Variants in PEX5L observed in about 807,000 individuals in gnomAD.
The protein encoded by PEX5L is PEX5-related protein.
Under a neutral mutation model 84.0 loss-of-function variants are expected in PEX5L, and 30 were observed. The observed-to-expected ratio is 0.36, with a 90% CI of 0.27 to 0.48. PEX5L has a LOEUF of 0.48. Among genes scored for constraint, PEX5L ranks in the 20% least tolerant of loss-of-function variants. PEX5L has a pLI of 0.99. For missense variants in PEX5L, 533 were observed against 754.6 expected, an observed-to-expected ratio of 0.71 and a Z score of 3.44; for synonymous variants, 270 against 283.1, an observed-to-expected ratio of 0.95 and a Z score of 0.46.
intron 1 of PEX5L, among the ~76,000 whole-genome samples, chr3:179,977,010 A>G: frequency 6.6e-6 from 1 of 152,338 alleles, no homozygotes; most frequent in Middle Eastern, 3.4e-3. Flanking sequence ...AAATTTATTA[A>G]TACAATTTTG....
intron 1 of PEX5L, chr3:179,974,286 A>G: frequency 1.5e-6 from 1 of 661,720 alleles, no homozygotes; most frequent in Non-Finnish European, 1.9e-6. Context: ...CTGTGGGAGG[A>G]GAAGCCACAG....
In PEX5L at chr3:179,970,294, C is replaced by A. The variant is rs1424994072; in HGVS notation, c.93+1300G>T. On this transcript the variant is annotated intron_variant, in intron 2 of 14. Coordinates refer to ENST00000467460, the MANE Select transcript of PEX5L (RefSeq NM_016559.3). ...TGCCAGGTGGGTCCAGTCCTTTGAT[C>A]AGAATCCCAGTCTATGGGTGGGATC... is the stretch of plus-strand genomic sequence containing the variant. Among the ~76,000 whole-genome samples, 4 of 152,032 alleles carry A rather than the reference C, an allele frequency of 2.6e-5. No homozygotes were observed. The East Asian group carries it at 7.7e-4, about 29-fold the overall frequency.
intron 1 of PEX5L, among the ~76,000 whole-genome samples, chr3:180,008,897 C>T (rs1789171414): frequency 6.6e-6 from 1 of 152,162 alleles, no homozygotes; most frequent in African/African-American, 2.4e-5. Flanking sequence ...TATCATCTTG[C>T]TTTTTCATTC....
At chr3:179,825,914 G>A (rs1054045817) in intron 8 of PEX5L, among the ~76,000 whole-genome samples, 5 of 152,192 alleles carry the variant, frequency 3.3e-5, no homozygotes, top group African/African-American at 9.7e-5. Context: ...GGATACAGAC[G>A]GAATGCAATC....
At chr3:179,854,810 C>T (rs958706572) in intron 8 of PEX5L, among the ~76,000 whole-genome samples, 1 of 152,114 alleles carries the variant, frequency 6.6e-6, no homozygotes, top group Non-Finnish European at 1.5e-5. Flanking sequence ...GACTAGGCCC[C>T]TTTTCTCATG....
chr3:179,894,210 G>T (rs1247132065), intron 3 of PEX5L, among the ~76,000 whole-genome samples: 1 of 152,066 alleles, frequency 6.6e-6, no homozygotes, highest in East Asian at 1.9e-4. Context: ...TACAGTGAGT[G>T]ATTCATTAAT....
At position 179,966,574 on chromosome 3, in the gene PEX5L, G is replaced by A. The variant is rs547747328; in HGVS notation, c.93+5020C>T. Reference sequence around the variant, plus strand: ...TTGGTAGGACTATCTATTAGCACCAGATAAGCTGGGTATCTTCTCCGTTAA... The same window carrying A: ...TTGGTAGGACTATCTATTAGCACCAAATAAGCTGGGTATCTTCTCCGTTAA... On this transcript the variant is annotated intron_variant, in intron 2 of 14. Transcript: ENST00000467460. Among the ~76,000 whole-genome samples, 50 of 152,242 alleles carry A rather than the reference G, an allele frequency of 3.3e-4. No individual in the cohort carries two copies. The Middle Eastern group carries it at 0.014, about 41-fold the overall frequency.
At chr3:179,973,266 T>C (rs2110276127) in intron 1 of PEX5L, 1 of 1,288,742 alleles carries the variant, frequency 7.8e-7, no homozygotes, top group East Asian at 5.5e-5. Context: ...GAATTCTTTA[T>C]GCCACTGGCA....
chr3:179,879,788 G>A lies in PEX5L; in HGVS notation c.505+141C>T, dbSNP rs931598285. ...GCTGTACAGTTCAAGCTCAAAAGAA[G>A]CTATGTCCTGTCCAGTTTCCACCAT... On this transcript the variant is annotated intron_variant, in intron 5 of 14. Coordinates refer to ENST00000467460, the MANE Select transcript of PEX5L (RefSeq NM_016559.3). 3.7e-5 allele frequency: 20 copies of A among 539,000 alleles called. No individual in the cohort carries two copies. The African/African-American group carries it at 3.8e-4, about 10-fold the overall frequency. 33.4% of individuals were successfully genotyped at this position (539,000 alleles called of 1,614,324 possible). A position where few individuals can be genotyped will look rare whatever the true frequency, so the allele number is the denominator to read the frequency against.
chr3:179,980,582 C>T (rs1171649285), intron 1 of PEX5L, among the ~76,000 whole-genome samples: 1 of 152,114 alleles, frequency 6.6e-6, no homozygotes, highest in Non-Finnish European at 1.5e-5. Flanking sequence ...TAAGATGTGA[C>T]AATTTCTAGA....
intron 8 of PEX5L, among the ~76,000 whole-genome samples, chr3:179,839,567 A>C (rs767220255): frequency 3.3e-5 from 5 of 152,212 alleles, no homozygotes; most frequent in Non-Finnish European, 7.3e-5. Flanking sequence ...AGAAAAAGAA[A>C]CAGGATTCTT....
At chr3:179,892,855 TTCGAC>T (rs1206292661) in intron 3 of PEX5L, among the ~76,000 whole-genome samples, 4 of 152,098 alleles carry the variant, frequency 2.6e-5, no homozygotes, top group African/African-American at 9.7e-5. Context: ...CCCCATACCA[TTCGAC>T]ACTTGAAGAA....
chr3:179,995,451 A>G (rs370015623), intron 1 of PEX5L, among the ~76,000 whole-genome samples: 12 of 152,174 alleles, frequency 7.9e-5, no homozygotes, highest in Admixed American at 3.9e-4. Flanking sequence ...GAGAACACTG[A>G]TAGTCCTTAG....
intron 8 of PEX5L, among the ~76,000 whole-genome samples, chr3:179,854,567 G>C (rs767838213): frequency 4.6e-5 from 7 of 152,130 alleles, no homozygotes; most frequent in Non-Finnish European, 8.8e-5. Flanking sequence ...GTATGCTTCA[G>C]GCAGAATTGT....
At chr3:179,874,461 G>T in intron 6 of PEX5L, 38 bp from the exon 7 acceptor site, 1 of 1,031,444 alleles carries the variant, frequency 9.7e-7, no homozygotes, top group Non-Finnish European at 1.5e-6. Context: ...ACGTACACTA[G>T]AAACAAATTA....
At chr3:180,016,440 A>G (rs1789953734) in intron 1 of PEX5L, among the ~76,000 whole-genome samples, 1 of 152,242 alleles carries the variant, frequency 6.6e-6, no homozygotes, top group Non-Finnish European at 1.5e-5. Flanking sequence ...TTCACAAGGT[A>G]CTAACACAGT....
chr3:179,988,424 TA>T (rs925300722), intron 1 of PEX5L, among the ~76,000 whole-genome samples: 4 of 121,922 alleles, frequency 3.3e-5, no homozygotes, highest in Admixed American at 3.1e-4. Flanking sequence ...ATAAATAAAA[TA>T]AAAAAAGAAA....
chr3:179,931,580 C>A (rs577469943), intron 2 of PEX5L, among the ~76,000 whole-genome samples: 4 of 152,122 alleles, frequency 2.6e-5, no homozygotes, highest in African/African-American at 9.6e-5. Context: ...TGACAAGATG[C>A]CTGAAGCCGT....
At chr3:179,865,001 G>A (rs1747607766) in intron 7 of PEX5L, among the ~76,000 whole-genome samples, 1 of 152,106 alleles carries the variant, frequency 6.6e-6, no homozygotes, top group Admixed American at 6.6e-5. Context: ...TGACCTAACA[G>A]GATCCATTAC....
Sources: allele counts gnomAD v4.1 joint callset (sites outside exome capture counted in the v4.1 genomes callset), GRCh38; gene constraint gnomAD v4.1.1; transcripts MANE v1.5; gene names NCBI Gene and HGNC (gene_info 2026-07-23, HGNC 2026-07-21).